GALNT17: variants seen among roughly 807,000 people sequenced by gnomAD.
The protein encoded by GALNT17 is UDP-GalNAc:polypeptide N-acetylgalactosaminyltransferase-like 3.
A neutral mutation model predicts 63.7 loss-of-function variants in GALNT17; 29 were observed. The ratio of observed to expected loss-of-function variants is 0.46; its 90% confidence interval spans 0.34 to 0.62. GALNT17 has a LOEUF of 0.62. GALNT17 is among the 20% of genes least tolerant of loss of function. The pLI is 0.01. For synonymous variants in GALNT17, 305 were observed against 318.3 expected (o/e 0.96, Z 0.45); for missense variants, 603 against 799.6 (o/e 0.75, Z 2.97).
intron 6 of GALNT17, among the ~76,000 whole-genome samples, chr7:71,602,623 G>T (rs748386706): frequency 6.6e-6 from 1 of 152,162 alleles, no homozygotes; most frequent in Non-Finnish European, 1.5e-5. Flanking sequence ...GCTTCTGGGG[G>T]ATACACAGGG....
At chr7:71,190,454 A>G (rs966632911) in intron 1 of GALNT17, among the ~76,000 whole-genome samples, 1 of 152,104 alleles carries the variant, frequency 6.6e-6, no homozygotes, top group Non-Finnish European at 1.5e-5. Context: ...ACCTTCATCC[A>G]TGATTGAAAG....
intron 5 of GALNT17, among the ~76,000 whole-genome samples, chr7:71,568,998 G>A (rs190379127): frequency 3.0e-4 from 45 of 152,188 alleles, no homozygotes; most frequent in African/African-American, 1.1e-3. Flanking sequence ...TTGAGATGGA[G>A]CCTCACTCTG....
chr7:71,584,956 A>G (rs1259892011), intron 6 of GALNT17, among the ~76,000 whole-genome samples: 1 of 151,980 alleles, frequency 6.6e-6, no homozygotes, highest in Non-Finnish European at 1.5e-5. Flanking sequence ...GGGTCTTCTC[A>G]CCTTTATTAA....
intron 5 of GALNT17, among the ~76,000 whole-genome samples, chr7:71,502,834 A>G (rs1456717283): frequency 1.3e-5 from 2 of 152,190 alleles, no homozygotes; most frequent in Admixed American, 6.5e-5. Flanking sequence ...TAAGTTTACA[A>G]TAATGTGTTC....
chr7:71,260,853 C>A (rs1246963875), intron 1 of GALNT17, among the ~76,000 whole-genome samples: 1 of 152,180 alleles, frequency 6.6e-6, no homozygotes, highest in African/African-American at 2.4e-5. Context: ...ATTCTCTTGC[C>A]TCAGCCTCCC....
rs368407276 is a variant in GALNT17 at position 71,615,366 on chromosome 7, C to G, written c.1080+43964C>G. On this transcript the variant is annotated intron_variant, in intron 6 of 10. Transcript: ENST00000333538. Reference sequence around the variant, plus strand: ...ATCTGCCAGCGAGACCTCCGAGTCACTGATACTGAGATCATGGGCCCCAGA... The same window carrying G: ...ATCTGCCAGCGAGACCTCCGAGTCAGTGATACTGAGATCATGGGCCCCAGA... 4.3e-4 allele frequency among the ~76,000 whole-genome samples: 66 copies of G among 152,018 alleles called. No homozygotes were observed. The South Asian group carries it at 1.0e-2, about 23-fold the overall frequency.
In GALNT17 at chr7:71,410,674, G is replaced by C. The variant is rs542280313; in HGVS notation, c.590-5215G>C. The stretch of plus-strand genomic sequence containing the variant: ...TTCTGTCATATCACTGAAAGTGCGG[G>C]ATTGAGACAGAATTCTGTAATGTTC... On this transcript the variant is annotated intron_variant, in intron 3 of 10. Transcript: ENST00000333538. Among the ~76,000 whole-genome samples the C allele has an allele frequency of 2.0e-5, 3 of 152,350 alleles. No individual in the cohort carries two copies. The East Asian group carries it at 5.8e-4, about 29-fold the overall frequency.
At chr7:71,510,688 G>C (rs1563145541) in intron 5 of GALNT17, among the ~76,000 whole-genome samples, 1 of 152,140 alleles carries the variant, frequency 6.6e-6, no homozygotes, top group Non-Finnish European at 1.5e-5. Context: ...TTCTCATTCA[G>C]GGGTCTCTTT....
Position 71,225,215 on chromosome 7 carries a change from C to T in GALNT17, c.238+92175C>T, listed in dbSNP as rs184081795. 9.1e-4 allele frequency among the ~76,000 whole-genome samples: 138 copies of T among 152,198 alleles called. 1 individual carries two copies. Among genetic ancestry groups the T allele is most frequent in the African/African-American group, 2.6e-3 (110 of 41,526 alleles). ...AACTCCTGACCTCAAGTGATCTGCC[C>T]GCCTCAGCCTCCCAAAGTGCTGGGA... On this transcript the variant is annotated intron_variant, in intron 1 of 10. Coordinates refer to ENST00000333538, the MANE Select transcript of GALNT17 (RefSeq NM_022479.3).
intron 5 of GALNT17, among the ~76,000 whole-genome samples, chr7:71,450,825 G>A (rs1787248174): frequency 1.3e-5 from 2 of 152,192 alleles, no homozygotes; most frequent in African/African-American, 4.8e-5. Flanking sequence ...TGGCTTGAGT[G>A]CTTTTCTAAG....
At chr7:71,397,271 A>T (rs1026693708) in intron 3 of GALNT17, among the ~76,000 whole-genome samples, 1 of 152,186 alleles carries the variant, frequency 6.6e-6, no homozygotes. Flanking sequence ...AGCTCAGTAA[A>T]CATGGGACTC....
At chr7:71,470,768 T>A (rs920077321) in intron 5 of GALNT17, among the ~76,000 whole-genome samples, 1 of 152,174 alleles carries the variant, frequency 6.6e-6, no homozygotes, top group Non-Finnish European at 1.5e-5. Flanking sequence ...GTGTTTTGCA[T>A]ATGAATAATA....
chr7:71,431,019 C>G (rs993260910), intron 5 of GALNT17, among the ~76,000 whole-genome samples: 1 of 151,956 alleles, frequency 6.6e-6, no homozygotes, highest in Non-Finnish European at 1.5e-5. Flanking sequence ...TGTGTGATAG[C>G]ACTTCAGGGC....
At chr7:71,483,588 C>T (rs894306155) in intron 5 of GALNT17, among the ~76,000 whole-genome samples, 1 of 151,822 alleles carries the variant, frequency 6.6e-6, no homozygotes, top group Non-Finnish European at 1.5e-5. Context: ...GACATTGTCT[C>T]ACTCTGTCAC....
intron 2 of GALNT17, among the ~76,000 whole-genome samples, chr7:71,360,893 G>A (rs1047155450): frequency 6.6e-5 from 10 of 152,178 alleles, no homozygotes; most frequent in Admixed American, 2.6e-4. Flanking sequence ...AGCCAAGGTC[G>A]TGGCACTACA....
intron 2 of GALNT17, among the ~76,000 whole-genome samples, chr7:71,338,058 G>T (rs1791941865): frequency 6.6e-6 from 1 of 151,528 alleles, no homozygotes; most frequent in Non-Finnish European, 1.5e-5. Flanking sequence ...AAATTGCGAG[G>T]TGCGGTGGCC....
At chr7:71,232,879 T>C (rs529333192) in intron 1 of GALNT17, among the ~76,000 whole-genome samples, 1 of 152,258 alleles carries the variant, frequency 6.6e-6, no homozygotes, top group African/African-American at 2.4e-5. Flanking sequence ...GTGCTTTTGG[T>C]GCCTCTTCCG....
intron 5 of GALNT17, among the ~76,000 whole-genome samples, chr7:71,439,077 A>T (rs761842578): frequency 6.6e-6 from 1 of 151,814 alleles, no homozygotes; most frequent in Non-Finnish European, 1.5e-5. Flanking sequence ...GTTTGTAGAG[A>T]TGAGTCTTGC....
At chr7:71,497,688 C>T (rs929887484) in intron 5 of GALNT17, among the ~76,000 whole-genome samples, 3 of 152,208 alleles carry the variant, frequency 2.0e-5, no homozygotes, top group African/African-American at 7.2e-5. Flanking sequence ...GGGAAGTGTG[C>T]TATTTTCCTG....
Sources: gnomAD v4.1 joint callset for allele counts (sites outside exome capture counted in the v4.1 genomes callset) on GRCh38, gnomAD v4.1.1 for gene constraint, MANE v1.5 for transcripts, NCBI Gene and HGNC (gene_info 2026-07-23, HGNC 2026-07-21) for gene names.